Variants in TBC1D4 observed in about 807,000 individuals in gnomAD.
TBC1D4 encodes TBC (Tre-2, BUB2, CDC16) domain-containing protein.
TBC1D4 carries 121 observed loss-of-function variants against 142.5 expected under a neutral mutation model. The ratio of observed to expected loss-of-function variants is 0.85; its 90% CI spans 0.73 to 0.99. TBC1D4 has a LOEUF of 0.99. Ranked by LOEUF, TBC1D4 falls within the 50% of genes least tolerant of loss-of-function variation. TBC1D4 has a pLI of 0.00. For synonymous variants in TBC1D4, 630 were observed against 628.2 expected (o/e 1.00, Z -0.04); for missense variants, 1,475 against 1,606.6 (o/e 0.92, Z 1.40).
intron 10 of TBC1D4, 73 bp from the exon 11 acceptor site, chr13:75,324,474 A>T: frequency 6.5e-7 from 1 of 1,546,994 alleles, no homozygotes; most frequent in Non-Finnish European, 8.8e-7. Context: ...ATGAAAAAGC[A>T]TATAAACAGG....
chr13:75,418,094 A>G (rs1885998495), intron 1 of TBC1D4, among the ~76,000 whole-genome samples: 1 of 152,230 alleles, frequency 6.6e-6, no homozygotes, highest in Admixed American at 6.5e-5. Context: ...AAATGTAAGC[A>G]TTTCTCCTGA....
At chr13:75,425,840 A>T (rs145610426) in intron 1 of TBC1D4, among the ~76,000 whole-genome samples, 2 of 152,290 alleles carry the variant, frequency 1.3e-5, no homozygotes, top group East Asian at 3.9e-4. Flanking sequence ...TTAGTCACAG[A>T]ACACAAAATT....
intron 1 of TBC1D4, among the ~76,000 whole-genome samples, chr13:75,385,307 A>G (rs1884101654): frequency 6.6e-6 from 1 of 152,172 alleles, no homozygotes; most frequent in South Asian, 2.1e-4. Flanking sequence ...CCCAAGCACA[A>G]GGCCTAGCAC....
At chr13:75,440,169 G>A (rs188236727) in intron 1 of TBC1D4, among the ~76,000 whole-genome samples, 4 of 151,952 alleles carry the variant, frequency 2.6e-5, no homozygotes, top group Admixed American at 2.6e-4. Flanking sequence ...TCAACAAACA[G>A]AATAATGCGA....
At chr13:75,391,105 C>T (rs1408371769) in intron 1 of TBC1D4, among the ~76,000 whole-genome samples, 1 of 145,154 alleles carries the variant, frequency 6.9e-6, no homozygotes, top group East Asian at 2.0e-4. Flanking sequence ...TCATGGCCTC[C>T]TGCACACTTA....
At chr13:75,294,503 G>A (rs1875674993) in intron 18 of TBC1D4, among the ~76,000 whole-genome samples, 1 of 152,174 alleles carries the variant, frequency 6.6e-6, no homozygotes, top group Admixed American at 6.5e-5. Context: ...GACAATGGGG[G>A]TAGAAACATG....
At chr13:75,386,038 A>G (rs1193096053) in intron 1 of TBC1D4, among the ~76,000 whole-genome samples, 5 of 152,228 alleles carry the variant, frequency 3.3e-5, no homozygotes, top group East Asian at 1.9e-4. Context: ...TATAAACATC[A>G]TAAGTTTAAT....
In TBC1D4 at chr13:75,362,342, A is replaced by G; in HGVS notation, c.764T>C (p.Leu255Ser). ...GPDPGEDLAD[L>S]EVVVPGSPGD... Reference sequence around the variant, plus strand: ...GGGGGACCCGGGCACCACCACCTCCAAGTCAGCCAGGTCCTCTCCTGGGTC... The same window carrying G: ...GGGGGACCCGGGCACCACCACCTCCGAGTCAGCCAGGTCCTCTCCTGGGTC... Residue 255 changes from leucine (L) to serine (S), a missense_variant, in exon 2 of 21, where the codon TTG (leucine) becomes TCG (serine). Physicochemically the swap from Leu to Ser is moderately radical, Grantham distance 145. Coordinates refer to ENST00000377636, the MANE Select transcript of TBC1D4 (RefSeq NM_014832.5). This position sits in a 1 kb window ranked among gnomAD's most constrained non-coding sequence, Gnocchi z 4.2. 6.2e-7 allele frequency: 1 copy of G among 1,614,140 alleles called. No homozygotes were observed.
intron 1 of TBC1D4, among the ~76,000 whole-genome samples, chr13:75,408,155 C>G (rs1405311285): frequency 1.3e-5 from 2 of 152,144 alleles, no homozygotes; most frequent in African/African-American, 2.4e-5. Context: ...TTTAATTTCT[C>G]TATGTATAGA....
intron 15 of TBC1D4, among the ~76,000 whole-genome samples, chr13:75,303,256 G>T (rs898422303): frequency 6.6e-6 from 1 of 152,090 alleles, no homozygotes; most frequent in African/African-American, 2.4e-5. Context: ...GACACAGGTT[G>T]CAGTGAGCTG....
intron 1 of TBC1D4, among the ~76,000 whole-genome samples, chr13:75,399,578 C>A (rs187785593): frequency 2.7e-3 from 408 of 152,354 alleles, no homozygotes; most frequent in African/African-American, 9.1e-3. Flanking sequence ...ATTCTGGTAT[C>A]TGAGTCGGAG....
intron 1 of TBC1D4, among the ~76,000 whole-genome samples, chr13:75,464,475 A>G (rs1219608795): frequency 6.6e-6 from 1 of 152,192 alleles, no homozygotes; most frequent in Non-Finnish European, 1.5e-5. Flanking sequence ...TTCCTGTTTT[A>G]GTTAATCTGT....
chr13:75,410,059 T>G (rs1885557084), intron 1 of TBC1D4, among the ~76,000 whole-genome samples: 1 of 152,358 alleles, frequency 6.6e-6, no homozygotes, highest in Non-Finnish European at 1.5e-5. Context: ...GCCTGCCTTG[T>G]ATAAACAAAA....
chr13:75,408,087 T>C (rs1885426631), intron 1 of TBC1D4, among the ~76,000 whole-genome samples: 2 of 152,158 alleles, frequency 1.3e-5, no homozygotes, highest in Admixed American at 1.3e-4. Context: ...AAGAACCCTG[T>C]ACCCGTCACC....
At chr13:75,447,492 T>C (rs959992975) in intron 1 of TBC1D4, among the ~76,000 whole-genome samples, 3 of 117,012 alleles carry the variant, frequency 2.6e-5, no homozygotes, top group African/African-American at 9.5e-5. Context: ...TGGGCATGCA[T>C]AGTGTGAATG....
intron 10 of TBC1D4, among the ~76,000 whole-genome samples, chr13:75,324,614 C>T (rs1377488223): frequency 6.6e-6 from 1 of 151,868 alleles, no homozygotes; most frequent in Non-Finnish European, 1.5e-5. Context: ...ATTTGAATTC[C>T]TTATCTATAC....
At position 75,315,429 on chromosome 13, in the gene TBC1D4, T is replaced by TATATATACAC. The variant is rs1555302471; in HGVS notation, c.2223-2532_2223-2531insGTGTATATAT. Among the ~76,000 whole-genome samples, 163 of 146,302 alleles carry TATATATACAC rather than the reference T, an allele frequency of 1.1e-3. 1 individual carries two copies. Among genetic ancestry groups the TATATATACAC allele is most frequent in the African/African-American group, 3.9e-3 (156 of 40,308 alleles). Reference sequence around the variant, plus strand: ...ATATATATATATATACACACACATATATATATATATATTTGCTTTTACTTG... The same window carrying TATATATACAC: ...ATATATATATATATACACACACATATATATATACACATATATATATATTTGCTTTTACTTG... On this transcript the variant is annotated intron_variant, in intron 12 of 20. Coordinates refer to ENST00000377636, the MANE Select transcript of TBC1D4 (RefSeq NM_014832.5).
At chr13:75,448,299 T>A (rs1887380265) in intron 1 of TBC1D4, among the ~76,000 whole-genome samples, 1 of 152,150 alleles carries the variant, frequency 6.6e-6, no homozygotes, top group South Asian at 2.1e-4. Context: ...GAAAATTTGT[T>A]TCCCATGTTT....
Position 75,341,152 on chromosome 13 carries a change from T to A in TBC1D4, c.1584A>T (p.Thr528=). ...LRQLCEAKQK[T]HVHIGEGPST... is the part of the protein sequence containing the mutation. ...AAGGGCCTTCCCCGATGTGCACGTGTGTCTTCTGCTTGGCTTCACACAGCT... is the reference window on the plus strand; with the variant it reads ...AAGGGCCTTCCCCGATGTGCACGTGAGTCTTCTGCTTGGCTTCACACAGCT... The change falls in exon 7 of 21, where the codon ACA becomes ACT. Residue 528 remains threonine, a synonymous_variant. Transcript: ENST00000377636. 6.2e-7 allele frequency: 1 copy of A among 1,613,464 alleles called. No individual in the cohort carries two copies. Among genetic ancestry groups the A allele is most frequent in the South Asian group, 1.1e-5 (1 of 90,992 alleles).
Sources: allele counts gnomAD v4.1 joint callset (sites outside exome capture counted in the v4.1 genomes callset), GRCh38; gene constraint gnomAD v4.1.1; non-coding constraint Gnocchi (gnomAD v3.1); transcripts MANE v1.5; gene names NCBI Gene and HGNC (gene_info 2026-07-23, HGNC 2026-07-21).